The following ARHGAP15 variants were observed in gnomAD, a reference collection of about 807,000 sequenced individuals.
The protein encoded by ARHGAP15 is Rho GTPase activating protein 15.
Under a neutral mutation model 63.7 loss-of-function variants are expected in ARHGAP15, and 51 were observed. The ratio of observed to expected loss-of-function variants is 0.80; its 90% CI spans 0.64 to 1.01. The LOEUF is 1.01. ARHGAP15 is among the 50% of genes least tolerant of loss of function. The pLI, the probability that ARHGAP15 is intolerant of heterozygous loss-of-function variation, is 0.00. For missense variants in ARHGAP15, 560 were observed against 564.6 expected, an observed-to-expected ratio of 0.99 and a Z score of 0.08; for synonymous variants, 191 against 193.8, an observed-to-expected ratio of 0.99 and a Z score of 0.12.
At chr2:143,384,535 T>G (rs1267008955) in intron 6 of ARHGAP15, among the ~76,000 whole-genome samples, 1 of 148,944 alleles carries the variant, frequency 6.7e-6, no homozygotes, top group African/African-American at 2.5e-5. Context: ...TAAATTTAAC[T>G]CAGGCAAAAA....
chr2:143,409,667 A>G (rs1688363655), intron 6 of ARHGAP15, among the ~76,000 whole-genome samples: 1 of 152,216 alleles, frequency 6.6e-6, no homozygotes, highest in South Asian at 2.1e-4. Context: ...ATAATACAGT[A>G]TTTTTACCAT....
intron 11 of ARHGAP15, among the ~76,000 whole-genome samples, chr2:143,580,055 T>G (rs2105142025): frequency 6.7e-6 from 1 of 150,010 alleles, no homozygotes; most frequent in South Asian, 2.1e-4. Flanking sequence ...TTATTTCTAA[T>G]TCTCCCTAAA....
intron 2 of ARHGAP15, 130 bp downstream of exon 2, chr2:143,155,785 T>G: frequency 4.5e-6 from 4 of 888,464 alleles, no homozygotes; most frequent in Non-Finnish European, 6.7e-6. Context: ...TTGTAATGCA[T>G]TTTATCTTGC....
At chr2:143,700,155 A>G (rs1684021750) in intron 12 of ARHGAP15, among the ~76,000 whole-genome samples, 1 of 152,164 alleles carries the variant, frequency 6.6e-6, no homozygotes, top group Non-Finnish European at 1.5e-5. Flanking sequence ...TTGTGTAAGT[A>G]GAATATTCTA....
At chr2:143,651,975 T>C (rs1005068587) in intron 12 of ARHGAP15, among the ~76,000 whole-genome samples, 6 of 152,026 alleles carry the variant, frequency 3.9e-5, no homozygotes, top group South Asian at 2.1e-4. Context: ...ATACCATCCT[T>C]TCTCTTTTTT....
At chr2:143,416,952 A>G (rs1217562951) in intron 6 of ARHGAP15, among the ~76,000 whole-genome samples, 7 of 151,556 alleles carry the variant, frequency 4.6e-5, no homozygotes. Flanking sequence ...GGTCAGGACT[A>G]CCAATTCGCT....
chr2:143,300,237 C>T (rs182814194), intron 6 of ARHGAP15, among the ~76,000 whole-genome samples: 20 of 152,076 alleles, frequency 1.3e-4, no homozygotes, highest in African/African-American at 4.6e-4. Flanking sequence ...ATTTGGTCAA[C>T]AGATTTGGCA....
intron 8 of ARHGAP15, among the ~76,000 whole-genome samples, chr2:143,484,729 G>C (rs1286143148): frequency 5.3e-5 from 8 of 151,916 alleles, no homozygotes; most frequent in Admixed American, 1.3e-4. Flanking sequence ...ATTTTAAAAA[G>C]CAAAAAGAAA....
rs114603156 is a variant in ARHGAP15 at position 143,495,151 on chromosome 2, T to A, written c.826+7656T>A. Among the ~76,000 whole-genome samples the A allele has an allele frequency of 3.9e-3, 591 of 150,374 alleles. 6 individuals carry two copies. The highest frequency in any genetic ancestry group is 0.014 in the African/African-American group (564 of 41,442). ...CCACAACTGTTTTCTCCCTTTCTTT[T>A]TTGTTTCTTCCTTTCTTCTTTCCTT... is the stretch of plus-strand genomic sequence containing the variant. On this transcript the variant is annotated intron_variant, in intron 9 of 13. Coordinates refer to ENST00000295095, the MANE Select transcript of ARHGAP15 (RefSeq NM_018460.4).
chr2:143,718,097 G>T (rs1045727822), intron 13 of ARHGAP15, among the ~76,000 whole-genome samples: 4 of 150,932 alleles, frequency 2.7e-5, no homozygotes, highest in Non-Finnish European at 3.0e-5. Context: ...TGTCGTTGGG[G>T]TTTTTTTTTC....
chr2:143,704,592 A>C (rs987334087), intron 13 of ARHGAP15, among the ~76,000 whole-genome samples: 1 of 152,222 alleles, frequency 6.6e-6, no homozygotes, highest in Non-Finnish European at 1.5e-5. Context: ...GGACATGTTA[A>C]GTCTGAAATG....
chr2:143,759,532 A>C (rs937602248), intron 13 of ARHGAP15, among the ~76,000 whole-genome samples: 6 of 152,150 alleles, frequency 3.9e-5, no homozygotes, highest in Admixed American at 2.6e-4. Context: ...GAACCCAAAG[A>C]AATGATTTCC....
chr2:143,263,187 C>T lies in ARHGAP15; in HGVS notation c.474+12587C>T, dbSNP rs533114246. On this transcript the variant is annotated intron_variant, in intron 6 of 13. Coordinates refer to ENST00000295095, the MANE Select transcript of ARHGAP15 (RefSeq NM_018460.4). Reference sequence around the variant, plus strand: ...CAAGTGATGTGACATTTAGTAAGAACGGCAGATCTTAAGATCACGTGCCTG... The same window carrying T: ...CAAGTGATGTGACATTTAGTAAGAATGGCAGATCTTAAGATCACGTGCCTG... Among the ~76,000 whole-genome samples the T allele has an allele frequency of 2.8e-4, 42 of 152,266 alleles. 1 individual carries two copies. The highest frequency in any genetic ancestry group is 1.0e-3 in the African/African-American group (42 of 41,556).
chr2:143,259,142 A>G (rs1231978220), intron 6 of ARHGAP15, among the ~76,000 whole-genome samples: 2 of 152,104 alleles, frequency 1.3e-5, no homozygotes, highest in African/African-American at 2.4e-5. Flanking sequence ...AAATCAATTC[A>G]TGGAAAGGGA....
intron 11 of ARHGAP15, among the ~76,000 whole-genome samples, chr2:143,606,123 T>C (rs1413771147): frequency 2.0e-5 from 3 of 150,268 alleles, no homozygotes; most frequent in African/African-American, 7.3e-5. Flanking sequence ...AATGATTTTA[T>C]ACTACTTTTA....
intron 2 of ARHGAP15, among the ~76,000 whole-genome samples, chr2:143,175,114 C>T (rs1450705389): frequency 6.6e-6 from 1 of 152,056 alleles, no homozygotes; most frequent in Non-Finnish European, 1.5e-5. Flanking sequence ...AGAAAGAAAA[C>T]CACAGAGGGT....
intron 6 of ARHGAP15, among the ~76,000 whole-genome samples, chr2:143,328,544 T>G (rs1684358674): frequency 6.6e-6 from 1 of 151,826 alleles, no homozygotes; most frequent in South Asian, 2.1e-4. Context: ...TGAGAACACA[T>G]GGACACAGGG....
At chr2:143,651,314 G>A (rs995802840) in intron 12 of ARHGAP15, among the ~76,000 whole-genome samples, 2 of 151,756 alleles carry the variant, frequency 1.3e-5, no homozygotes, top group African/African-American at 4.8e-5. Context: ...CCTGGTCCCT[G>A]CCCCAGAGCA....
intron 12 of ARHGAP15, among the ~76,000 whole-genome samples, chr2:143,642,126 A>G (rs1680631820): frequency 1.3e-5 from 2 of 152,144 alleles, no homozygotes; most frequent in Non-Finnish European, 2.9e-5. Context: ...ATATGTTTGT[A>G]AATATTTATA....
Sources: allele counts gnomAD v4.1 joint callset (sites outside exome capture counted in the v4.1 genomes callset), GRCh38; gene constraint gnomAD v4.1.1; transcripts MANE v1.5; gene names NCBI Gene and HGNC (gene_info 2026-07-23, HGNC 2026-07-21).